The following GRIA3 variants were observed in gnomAD, a reference collection of about 807,000 sequenced individuals.
The protein encoded by GRIA3 is glutamate receptor 3.
In GRIA3, 3 loss-of-function variants were observed where a neutral mutation model predicts 63.0. The observed-to-expected ratio is 0.05, with a 90% CI of 0.02 to 0.12. GRIA3 has a LOEUF of 0.12. GRIA3 is among the 10% of genes least tolerant of loss of function. The pLI is 1.00. For missense variants in GRIA3, 347 were observed against 700.9 expected (o/e 0.50, Z 5.70); for synonymous variants, 274 against 257.9 (o/e 1.06, Z -0.60).
chrX:123,247,772 G>C (rs2044367358), intron 2 of GRIA3, among the ~76,000 whole-genome samples: 1 of 111,376 alleles, frequency 9.0e-6, no homozygotes, highest in African/African-American at 3.3e-5. Flanking sequence ...AAAAGTGAAA[G>C]AGATGGAAAG....
chrX:123,207,027 C>T (rs944593507), intron 2 of GRIA3, among the ~76,000 whole-genome samples: 1 of 111,655 alleles, frequency 9.0e-6, no homozygotes, highest in Admixed American at 9.5e-5. Context: ...AACAGGACTG[C>T]TCCCCTCTTT....
At chrX:123,258,607 G>C (rs1371077966) in intron 3 of GRIA3, among the ~76,000 whole-genome samples, 1 of 111,541 alleles carries the variant, frequency 9.0e-6, no homozygotes, top group Non-Finnish European at 1.9e-5. Context: ...CCAGACTCTC[G>C]TGCACCTGAC....
At chrX:123,290,382 T>C (rs1449450064) in intron 3 of GRIA3, among the ~76,000 whole-genome samples, 2 of 111,737 alleles carry the variant, frequency 1.8e-5, no homozygotes, top group East Asian at 2.8e-4. Context: ...CAGTTTTTCA[T>C]TGTGAGCTTC....
intron 14 of GRIA3, 150 bp from the exon 15 acceptor site, chrX:123,482,649 A>G (rs916035347): frequency 1.3e-5 from 8 of 627,688 alleles, no homozygotes; most frequent in Non-Finnish European, 2.1e-5. Context: ...ATTGCAAAAC[A>G]TTAGCCAGTT....
chrX:123,394,474 GTCAGTT>G (rs1475378686), intron 5 of GRIA3, among the ~76,000 whole-genome samples: 1 of 111,814 alleles, frequency 8.9e-6, no homozygotes, highest in Non-Finnish European at 1.9e-5. Context: ...CAACCAAGCT[GTCAGTT>G]TCACTCATTG....
intron 12 of GRIA3, among the ~76,000 whole-genome samples, chrX:123,464,407 T>A (rs762151081): frequency 3.6e-5 from 4 of 111,903 alleles, no homozygotes; most frequent in Non-Finnish European, 7.5e-5. Context: ...ATAATTGATA[T>A]CTCATGCTGG....
chrX:123,460,662 TTAAC>T (rs1339571622), intron 12 of GRIA3, among the ~76,000 whole-genome samples: 4 of 111,851 alleles, frequency 3.6e-5, no homozygotes, highest in African/African-American at 1.3e-4. Flanking sequence ...TAAGCAGACT[TTAAC>T]TAACTTCATA....
chrX:123,221,608 A>G (rs933366726), intron 2 of GRIA3, among the ~76,000 whole-genome samples: 1 of 111,849 alleles, frequency 8.9e-6, no homozygotes, highest in East Asian at 2.8e-4. Context: ...CCGAAGCTGA[A>G]CTCTGTTCCT....
In GRIA3 at chrX:123,349,050, C is replaced by A. The variant is rs181104439; in HGVS notation, c.697-5860C>A. Among the ~76,000 whole-genome samples the A allele has an allele frequency of 2.7e-5, 3 of 111,689 alleles. No homozygotes were observed. The Admixed American group carries it at 2.8e-4, about 11-fold the overall frequency. Reference sequence around the variant, plus strand: ...ATTTTCATACAGTTGTATTTATTTTCTTGTATTAGTGTCATTGATATTATC... The same window carrying A: ...ATTTTCATACAGTTGTATTTATTTTATTGTATTAGTGTCATTGATATTATC... On this transcript the variant is annotated intron_variant, in intron 4 of 15. Transcript: ENST00000620443.
intron 4 of GRIA3, among the ~76,000 whole-genome samples, chrX:123,352,213 T>A (rs1456678535): frequency 9.0e-6 from 1 of 111,315 alleles, no homozygotes; most frequent in Non-Finnish European, 1.9e-5. Context: ...CCCGAGTAGC[T>A]GGGATTACAG....
chrX:123,191,737 CAGAA>C (rs1927440477), intron 2 of GRIA3, among the ~76,000 whole-genome samples: 1 of 110,838 alleles, frequency 9.0e-6, no homozygotes, highest in African/African-American at 3.3e-5. Flanking sequence ...CCTTCTCCAC[CAGAA>C]TACCTTTACT....
chrX:123,234,644 G>C (rs2044293049), intron 2 of GRIA3, among the ~76,000 whole-genome samples: 1 of 111,620 alleles, frequency 9.0e-6, no homozygotes, highest in East Asian at 2.8e-4. Flanking sequence ...AACATATTGA[G>C]ATCAGACCAT....
intron 10 of GRIA3, among the ~76,000 whole-genome samples, chrX:123,410,792 G>A (rs995583659): frequency 9.0e-6 from 1 of 111,662 alleles, no homozygotes; most frequent in East Asian, 2.8e-4. Context: ...GCCATTCGAA[G>A]CAGAAAGAGT....
intron 2 of GRIA3, 33 bp from the exon 3 acceptor site, chrX:123,253,270 C>T: frequency 8.3e-7 from 1 of 1,204,708 alleles, no homozygotes; most frequent in Non-Finnish European, 1.1e-6. Context: ...GACCATGGAG[C>T]TATTGAATCT....
chrX:123,202,898 A>G (rs986118647), intron 2 of GRIA3: 1 of 752,230 alleles, frequency 1.3e-6, no homozygotes, highest in African/African-American at 2.1e-5. Context: ...TGAAAGGAAC[A>G]AATTCCAGGC....
intron 12 of GRIA3, among the ~76,000 whole-genome samples, chrX:123,451,640 T>C (rs943972712): frequency 1.9e-5 from 2 of 106,334 alleles, no homozygotes; most frequent in Admixed American, 1.0e-4. Flanking sequence ...ATTTTGAATA[T>C]AGATTGAGCT....
intron 13 of GRIA3, among the ~76,000 whole-genome samples, chrX:123,466,744 G>A (rs1036918222): frequency 8.9e-6 from 1 of 112,453 alleles, no homozygotes. Flanking sequence ...ATTGAAGCAT[G>A]TAAACTCACC....
At chrX:123,351,564 A>G (rs2045094419) in intron 4 of GRIA3, among the ~76,000 whole-genome samples, 1 of 111,849 alleles carries the variant, frequency 8.9e-6, no homozygotes, top group Admixed American at 9.5e-5. Flanking sequence ...GACTTAGGGA[A>G]CATCCATGAT....
intron 3 of GRIA3, among the ~76,000 whole-genome samples, chrX:123,281,444 TG>T (rs1032432505): frequency 6.2e-5 from 7 of 112,260 alleles, no homozygotes; most frequent in Non-Finnish European, 1.3e-4. Flanking sequence ...AGGGAGAATG[TG>T]TGTTCTTAGA....
Sources: gnomAD v4.1 joint callset for allele counts (sites outside exome capture counted in the v4.1 genomes callset) on GRCh38, gnomAD v4.1.1 for gene constraint, MANE v1.5 for transcripts, NCBI Gene and HGNC (gene_info 2026-07-23, HGNC 2026-07-21) for gene names.